Variants in HIPK1 observed in about 807,000 individuals in gnomAD.
HIPK1 encodes homeodomain interacting protein kinase 1.
HIPK1 carries 28 observed loss-of-function variants against 117.1 expected under a neutral mutation model. That is an observed-to-expected ratio of 0.24 (90% CI 0.18 to 0.33). HIPK1 has a LOEUF of 0.33. Among genes scored for constraint, HIPK1 ranks in the 10% least tolerant of loss-of-function variants. The pLI, the probability that HIPK1 is intolerant of heterozygous loss-of-function variation, is 1.00. For synonymous variants in HIPK1, 605 were observed against 562.5 expected, an observed-to-expected ratio of 1.08 and a Z score of -1.07; for missense variants, 1,122 against 1,475.1, an observed-to-expected ratio of 0.76 and a Z score of 3.92.
At chr1:113,960,962 A>C (rs1193422731) in intron 8 of HIPK1, among the ~76,000 whole-genome samples, 2 of 152,184 alleles carry the variant, frequency 1.3e-5, no homozygotes, top group African/African-American at 4.8e-5. Flanking sequence ...TATTAAGAGA[A>C]ATTAGTTGGT....
rs185150899 is a variant in HIPK1 at position 113,934,847 on chromosome 1, A to G, written c.-3+5315A>G. 5.9e-4 allele frequency among the ~76,000 whole-genome samples: 89 copies of G among 150,016 alleles called. 1 individual carries two copies. The East Asian group carries it at 0.011, about 18-fold the overall frequency. The stretch of plus-strand genomic sequence containing the variant: ...TGGCATGTGCCTGTAGAAATTAGCC[A>G]AGCGTCCTGGTGTGTGCCTGTAGTC... On this transcript the variant is annotated intron_variant, in intron 1 of 15. Coordinates refer to ENST00000426820, the MANE Select transcript of HIPK1 (RefSeq NM_198268.3).
intron 2 of HIPK1, among the ~76,000 whole-genome samples, chr1:113,947,724 A>G (rs979459658): frequency 3.9e-5 from 6 of 152,232 alleles, no homozygotes; most frequent in South Asian, 2.1e-4. Flanking sequence ...TGTTGTTTCT[A>G]TCACTTAGCT....
chr1:113,941,711 G>T lies in HIPK1; in HGVS notation c.1076+252G>T, dbSNP rs1670647530. ...TACTAGTTGAATTATACTAGCACCTGGTTCTTTAGTATTATTTTACCTCAT... is the reference window on the plus strand; with the variant it reads ...TACTAGTTGAATTATACTAGCACCTTGTTCTTTAGTATTATTTTACCTCAT... On this transcript the variant is annotated intron_variant, in intron 2 of 15. Coordinates refer to ENST00000426820, the MANE Select transcript of HIPK1 (RefSeq NM_198268.3). The surrounding 1 kb of genome is among the most constrained non-coding windows in gnomAD (Gnocchi z 4.9). 6.6e-6 allele frequency among the ~76,000 whole-genome samples: 1 copy of T among 151,808 alleles called. No individual in the cohort carries two copies. The highest frequency in any genetic ancestry group is 1.5e-5 in the Non-Finnish European group (1 of 67,894).
chr1:113,972,945 C>T (rs1325021110), intron 15 of HIPK1, 79 bp from the exon 16 acceptor site: 2 of 1,456,510 alleles, frequency 1.4e-6, no homozygotes, highest in Non-Finnish European at 9.2e-7. Flanking sequence ...CAAGTCAGAA[C>T]CTGAGCTCTT....
At chr1:113,954,541 T>C in intron 3 of HIPK1, 110 bp from the exon 4 acceptor site, 1 of 1,126,610 alleles carries the variant, frequency 8.9e-7, no homozygotes, top group Non-Finnish European at 1.3e-6. Context: ...TTGTATTGAT[T>C]AAAGATTTGA....
At chr1:113,958,805 A>G (rs529468634) in intron 8 of HIPK1, among the ~76,000 whole-genome samples, 2 of 152,366 alleles carry the variant, frequency 1.3e-5, no homozygotes, top group South Asian at 4.1e-4. Context: ...GAACTAAAAA[A>G]TCCTACAGGC....
At chr1:113,947,561 G>A (rs1356989730) in intron 2 of HIPK1, among the ~76,000 whole-genome samples, 2 of 152,168 alleles carry the variant, frequency 1.3e-5, no homozygotes, top group African/African-American at 2.4e-5. Context: ...AGAAAGAAAC[G>A]AAAATGTTCA....
intron 10 of HIPK1, among the ~76,000 whole-genome samples, chr1:113,965,158 T>C (rs1030188945): frequency 1.3e-5 from 2 of 152,238 alleles, no homozygotes; most frequent in Non-Finnish European, 2.9e-5. Context: ...TGCAGAAATA[T>C]TTTTAAAACA....
At chr1:113,953,645 G>A (rs1671513051) in intron 3 of HIPK1, among the ~76,000 whole-genome samples, 2 of 152,014 alleles carry the variant, frequency 1.3e-5, no homozygotes, top group Non-Finnish European at 1.5e-5. Flanking sequence ...AGCCTCCTGA[G>A]TAGCTGGGAT....
chr1:113,970,883 A>G (rs1488744701), intron 14 of HIPK1, among the ~76,000 whole-genome samples: 1 of 152,220 alleles, frequency 6.6e-6, no homozygotes, highest in African/African-American at 2.4e-5. Context: ...AGGCACACAC[A>G]TGTCTTAACC....
intron 2 of HIPK1, among the ~76,000 whole-genome samples, chr1:113,945,407 G>A (rs149539072): frequency 2.0e-5 from 3 of 152,302 alleles, no homozygotes; most frequent in Non-Finnish European, 4.4e-5. Flanking sequence ...AGAAGTCACT[G>A]TTAAGTCGAA....
chr1:113,936,839 C>G (rs541462934), intron 1 of HIPK1, among the ~76,000 whole-genome samples: 2 of 152,290 alleles, frequency 1.3e-5, no homozygotes, highest in African/African-American at 4.8e-5. Context: ...TAGATTCTTT[C>G]ACTAAATACT....
intron 8 of HIPK1, 86 bp downstream of exon 8, chr1:113,958,377 C>A: frequency 2.3e-6 from 2 of 862,840 alleles, no homozygotes; most frequent in South Asian, 3.5e-5. Context: ...CTGATCTTTA[C>A]AAGTTTAAAC....
chr1:113,962,175 A>G (rs1672169662), intron 8 of HIPK1, 142 bp from the exon 9 acceptor site: 1 of 753,820 alleles, frequency 1.3e-6, no homozygotes, highest in African/African-American at 1.8e-5. Context: ...GACTTCTATG[A>G]ATGAAACTTC....
intron 5 of HIPK1, among the ~76,000 whole-genome samples, chr1:113,956,265 A>G (rs1273158431): frequency 1.3e-5 from 2 of 151,552 alleles, no homozygotes; most frequent in Non-Finnish European, 2.9e-5. Context: ...TTTAGTAGAG[A>G]CGGGGTTTTG....
intron 6 of HIPK1, 66 bp downstream of exon 6, chr1:113,956,877 G>A: frequency 7.0e-7 from 1 of 1,433,596 alleles, no homozygotes; most frequent in Non-Finnish European, 9.7e-7. Context: ...CTTATCAATG[G>A]CACTATCAAA....
intron 2 of HIPK1, among the ~76,000 whole-genome samples, chr1:113,946,445 G>T (rs964680846): frequency 1.3e-5 from 2 of 152,166 alleles, no homozygotes; most frequent in Non-Finnish European, 2.9e-5. Context: ...AGCAATAGGA[G>T]ATAAAAATTA....
At chr1:113,968,745 G>A in intron 13 of HIPK1, 97 bp downstream of exon 13, 1 of 950,572 alleles carries the variant, frequency 1.1e-6, no homozygotes, top group Non-Finnish European at 1.7e-6. Flanking sequence ...GACCGGTGGG[G>A]CATGGTGGCT....
At chr1:113,948,254 C>T (rs997134006) in intron 2 of HIPK1, among the ~76,000 whole-genome samples, 5 of 152,058 alleles carry the variant, frequency 3.3e-5, no homozygotes, top group African/African-American at 4.8e-5. Flanking sequence ...GTGAACTAAG[C>T]AGCCTTACTG....
Sources: gnomAD v4.1 joint callset for allele counts (sites outside exome capture counted in the v4.1 genomes callset) on GRCh38, gnomAD v4.1.1 for gene constraint, Gnocchi (gnomAD v3.1) non-coding constraint, MANE v1.5 for transcripts, NCBI Gene and HGNC (gene_info 2026-07-23, HGNC 2026-07-21) for gene names.